The following VCL variants were observed in gnomAD, a reference collection of about 807,000 sequenced individuals.
VCL encodes vinculin.
In VCL, 47 loss-of-function variants were observed where a neutral mutation model predicts 125.7. That is an observed-to-expected ratio of 0.37 (90% CI 0.30 to 0.48). The LOEUF (loss-of-function observed/expected upper bound fraction) is 0.48. Among genes scored for constraint, VCL ranks in the 20% least tolerant of loss-of-function variants. VCL has a pLI of 0.99. For synonymous variants in VCL, 458 were observed against 514.6 expected (o/e 0.89, Z 1.49); for missense variants, 1,069 against 1,455.5 (o/e 0.73, Z 4.32).
chr10:74,107,549 T>TTG (rs1003816454), intron 17 of VCL, among the ~76,000 whole-genome samples, 195 bp downstream of exon 17: 38 of 151,070 alleles, frequency 2.5e-4, no homozygotes, highest in Non-Finnish European at 4.4e-4. Context: ...TATGCATGGG[T>TTG]TGTGTGTGTG....
intron 20 of VCL, 114 bp from the exon 21 acceptor site, chr10:74,114,681 C>G: frequency 8.8e-7 from 1 of 1,135,216 alleles, no homozygotes; most frequent in Non-Finnish European, 1.3e-6. Context: ...GCTTATTTAT[C>G]GAGTGCCTTT....
At position 74,039,066 on chromosome 10, in the gene VCL, C is replaced by G. The variant is rs560488970; in HGVS notation, c.169-4017C>G. On this transcript the variant is annotated intron_variant, in intron 1 of 21. Coordinates refer to ENST00000211998, the MANE Select transcript of VCL (RefSeq NM_014000.3). The stretch of plus-strand genomic sequence containing the variant: ...AGCTGGGATTATAGGCATCCGCCAC[C>G]ACGCCCAGCTAATTTTTGTATTTTT... 4.6e-5 allele frequency among the ~76,000 whole-genome samples: 7 copies of G among 152,148 alleles called. No individual in the cohort carries two copies. The South Asian group carries it at 1.2e-3, about 27-fold the overall frequency.
chr10:74,045,349 G>A (rs959244444), intron 2 of VCL, among the ~76,000 whole-genome samples: 7 of 152,004 alleles, frequency 4.6e-5, no homozygotes, highest in African/African-American at 1.7e-4. Flanking sequence ...ATGGCCAGGT[G>A]TGGTGACTCA....
In VCL at chr10:74,052,599, A is replaced by G. The variant is rs565935924; in HGVS notation, c.239+9446A>G. Among the ~76,000 whole-genome samples the G allele has an allele frequency of 1.6e-3, 236 of 150,688 alleles. 1 individual carries two copies. The highest frequency in any genetic ancestry group is 5.4e-3 in the African/African-American group (223 of 41,062). Reference sequence around the variant, plus strand: ...ACCATTTTGCCCAGGGTGGTCTCAAACTCCTGAGCGCAGGTGATCTGCTCA... The same window carrying G: ...ACCATTTTGCCCAGGGTGGTCTCAAGCTCCTGAGCGCAGGTGATCTGCTCA... On this transcript the variant is annotated intron_variant, in intron 2 of 21. Coordinates refer to ENST00000211998, the MANE Select transcript of VCL (RefSeq NM_014000.3).
At chr10:74,114,546 GA>G (rs1235783867) in intron 20 of VCL, among the ~76,000 whole-genome samples, 159 bp downstream of exon 20, 1 of 151,102 alleles carries the variant, frequency 6.6e-6, no homozygotes, top group Non-Finnish European at 1.5e-5. Flanking sequence ...AGCAGAAAGG[GA>G]AAAAAACAAA....
At chr10:74,115,391 A>G (rs540062074) in intron 21 of VCL, among the ~76,000 whole-genome samples, 27 of 106,158 alleles carry the variant, frequency 2.5e-4, no homozygotes, top group South Asian at 1.7e-3. Context: ...TAAATAGATA[A>G]ATAAATAAAT....
At chr10:74,070,944 T>C (rs776183608) in intron 3 of VCL, 31 bp from the exon 4 acceptor site, 1 of 1,613,062 alleles carries the variant, frequency 6.2e-7, no homozygotes, top group Non-Finnish European at 8.5e-7. Context: ...TGTCCACCCA[T>C]GTGATTGAAT....
At chr10:74,044,740 G>T (rs1841163659) in intron 2 of VCL, among the ~76,000 whole-genome samples, 1 of 152,172 alleles carries the variant, frequency 6.6e-6, no homozygotes, top group Non-Finnish European at 1.5e-5. Flanking sequence ...TGTTCATGAT[G>T]ACCCCACTGG....
intron 1 of VCL, among the ~76,000 whole-genome samples, chr10:74,019,228 G>C (rs996257550): frequency 2.6e-5 from 4 of 152,188 alleles, no homozygotes; most frequent in African/African-American, 4.8e-5. Context: ...GAGAAATCTT[G>C]TATTATTATT....
At chr10:74,090,574 G>A (rs1203346085) in intron 10 of VCL, among the ~76,000 whole-genome samples, 2 of 152,090 alleles carry the variant, frequency 1.3e-5, no homozygotes. Flanking sequence ...GGCTAGCTAT[G>A]AAAAGACTCC....
chr10:74,058,588 CTT>C (rs758790142), intron 2 of VCL, among the ~76,000 whole-genome samples: 15 of 142,950 alleles, frequency 1.0e-4, no homozygotes, highest in South Asian at 2.2e-4. Flanking sequence ...TCCTCCCCAA[CTT>C]TTTTTTTTTT....
intron 10 of VCL, among the ~76,000 whole-genome samples, chr10:74,090,759 T>G (rs1839869138): frequency 6.6e-6 from 1 of 152,130 alleles, no homozygotes; most frequent in Non-Finnish European, 1.5e-5. Context: ...GCACCTACTT[T>G]GATGATATGG....
At chr10:74,010,237 C>G (rs190281515) in intron 1 of VCL, among the ~76,000 whole-genome samples, 1 of 152,078 alleles carries the variant, frequency 6.6e-6, no homozygotes, top group Non-Finnish European at 1.5e-5. Context: ...CCTTTTTCTT[C>G]TTAACAAGTT....
At chr10:74,022,197 T>C (rs1840682295) in intron 1 of VCL, among the ~76,000 whole-genome samples, 2 of 152,100 alleles carry the variant, frequency 1.3e-5, no homozygotes, top group African/African-American at 4.8e-5. Flanking sequence ...CATTTAAAAA[T>C]ATTTTGGGAA....
intron 19 of VCL, among the ~76,000 whole-genome samples, chr10:74,113,675 G>C (rs1247357601): frequency 6.6e-6 from 1 of 151,958 alleles, no homozygotes; most frequent in Non-Finnish European, 1.5e-5. Context: ...TGCAACAAGG[G>C]TAAGCATGAA....
intron 2 of VCL, among the ~76,000 whole-genome samples, chr10:74,070,106 A>G (rs1433971193): frequency 1.3e-5 from 2 of 152,210 alleles, no homozygotes. Flanking sequence ...GCATTGCCTC[A>G]TACTTTTTCT....
At chr10:74,030,923 T>TA (rs1840862704) in intron 1 of VCL, among the ~76,000 whole-genome samples, 1 of 152,216 alleles carries the variant, frequency 6.6e-6, no homozygotes, top group Non-Finnish European at 1.5e-5. Context: ...GGGTTAAAAA[T>TA]ACTATGTGGA....
chr10:74,044,041 G>T (rs913803860), intron 2 of VCL, among the ~76,000 whole-genome samples: 1 of 152,012 alleles, frequency 6.6e-6, no homozygotes, highest in Non-Finnish European at 1.5e-5. Context: ...AACTCAGGAG[G>T]TGGAGCTTGC....
chr10:74,080,468 G>T (rs986592177), intron 6 of VCL, among the ~76,000 whole-genome samples: 1 of 152,132 alleles, frequency 6.6e-6, no homozygotes, highest in Admixed American at 6.5e-5. Context: ...GAGGGGGAAA[G>T]TAGCTAAAAC....
Sources: allele counts gnomAD v4.1 joint callset (sites outside exome capture counted in the v4.1 genomes callset), GRCh38; gene constraint gnomAD v4.1.1; transcripts MANE v1.5; gene names NCBI Gene and HGNC (gene_info 2026-07-23, HGNC 2026-07-21).